The following SRRM4 variants were observed in gnomAD, a reference collection of about 807,000 sequenced individuals.
SRRM4 encodes the protein serine/arginine repetitive matrix protein 4.
In SRRM4, 33 loss-of-function variants were observed where a neutral mutation model predicts 68.9. The ratio of observed to expected loss-of-function variants is 0.48; its 90% CI spans 0.36 to 0.64. The LOEUF is 0.64. SRRM4 is among the 30% of genes least tolerant of loss of function. The probability of loss-of-function intolerance (pLI) is 0.00; values close to 1 mark genes in which losing one functional copy is unlikely to be tolerated. For synonymous variants in SRRM4, 318 were observed against 318.8 expected, an observed-to-expected ratio of 1.00 and a Z score of 0.03; for missense variants, 817 against 827.1, an observed-to-expected ratio of 0.99 and a Z score of 0.15.
chr12:118,993,017 A>G (rs1464568866), intron 1 of SRRM4, among the ~76,000 whole-genome samples: 1 of 152,220 alleles, frequency 6.6e-6, no homozygotes, highest in East Asian at 1.9e-4. Flanking sequence ...AAATAATGAT[A>G]TATCATTACT....
At chr12:118,993,878 C>T (rs1269349896) in intron 1 of SRRM4, 1 of 152,172 alleles carries the variant, frequency 6.6e-6, no homozygotes, top group Non-Finnish European at 1.5e-5. Context: ...TAACACATGC[C>T]TGCAGCCCCA....
At chr12:119,082,425 T>A (rs578248458) in intron 1 of SRRM4, among the ~76,000 whole-genome samples, 1 of 152,324 alleles carries the variant, frequency 6.6e-6, no homozygotes, top group East Asian at 1.9e-4. Flanking sequence ...CTTTGATTGA[T>A]CTTCTCAAAT....
intron 1 of SRRM4, among the ~76,000 whole-genome samples, chr12:118,998,254 T>G (rs1953361144): frequency 1.3e-5 from 1 of 76,188 alleles, no homozygotes; most frequent in Non-Finnish European, 2.4e-5. Flanking sequence ...ACTGAGTGGA[T>G]AAGAGCAATA....
intron 1 of SRRM4, among the ~76,000 whole-genome samples, chr12:119,039,598 C>T (rs759078597): frequency 6.6e-6 from 1 of 152,148 alleles, no homozygotes; most frequent in Admixed American, 6.5e-5. Flanking sequence ...CTGAAAGTTC[C>T]GCATCCCAGG....
chr12:118,986,606 A>G (rs1316968048), intron 1 of SRRM4, among the ~76,000 whole-genome samples: 3 of 152,198 alleles, frequency 2.0e-5, no homozygotes, highest in Middle Eastern at 6.3e-3. Flanking sequence ...AGACGCACAC[A>G]CTGCAAATAG....
intron 1 of SRRM4, chr12:118,990,060 T>A (rs189749594): frequency 6.6e-6 from 1 of 152,352 alleles, no homozygotes; most frequent in African/African-American, 2.4e-5. Context: ...ACACATTTCA[T>A]CTCTTATCCA....
At chr12:119,119,502 C>T (rs1954204214) in intron 4 of SRRM4, among the ~76,000 whole-genome samples, 1 of 151,540 alleles carries the variant, frequency 6.6e-6, no homozygotes, top group Admixed American at 6.6e-5. Context: ...GAAAATGTTA[C>T]AAGGAGAAGA....
intron 1 of SRRM4, chr12:118,992,285 G>GAC (rs1271853093): frequency 6.6e-6 from 1 of 152,336 alleles, no homozygotes; most frequent in East Asian, 1.9e-4. Context: ...CAGGTGAGCA[G>GAC]ACACCAGTTC....
At chr12:119,129,880 GA>G (rs1954283346) in intron 7 of SRRM4, among the ~76,000 whole-genome samples, 1 of 149,012 alleles carries the variant, frequency 6.7e-6, no homozygotes, top group African/African-American at 2.5e-5. Flanking sequence ...CAAATGGATG[GA>G]TGGATGGATG....
chr12:119,030,509 A>AT (rs1850178760), intron 1 of SRRM4, among the ~76,000 whole-genome samples: 1 of 151,510 alleles, frequency 6.6e-6, no homozygotes, highest in Non-Finnish European at 1.5e-5. Flanking sequence ...TACAAAAAAA[A>AT]GTCTGTTGTC....
chr12:119,143,967 A>G (rs1406845163), intron 8 of SRRM4, among the ~76,000 whole-genome samples: 1 of 152,150 alleles, frequency 6.6e-6, no homozygotes, highest in Non-Finnish European at 1.5e-5. Flanking sequence ...GGCAGAGGCC[A>G]GCATCAAACT....
At chr12:119,070,390 G>T (rs183802856) in intron 1 of SRRM4, among the ~76,000 whole-genome samples, 195 of 152,234 alleles carry the variant, frequency 1.3e-3, no homozygotes, top group African/African-American at 4.6e-3. Flanking sequence ...TAGATCCCCG[G>T]ATTTTAGAGT....
intron 1 of SRRM4, among the ~76,000 whole-genome samples, chr12:119,000,424 G>T (rs971081046): frequency 1.3e-5 from 2 of 152,148 alleles, no homozygotes; most frequent in Admixed American, 6.5e-5. Context: ...CACTGGAAAA[G>T]AAAGGACTCA....
At chr12:119,027,699 A>G (rs974603202) in intron 1 of SRRM4, among the ~76,000 whole-genome samples, 12 of 152,168 alleles carry the variant, frequency 7.9e-5, no homozygotes, top group Admixed American at 4.6e-4. Flanking sequence ...AGTATTCTAC[A>G]TGTCTTATTA....
intron 4 of SRRM4, among the ~76,000 whole-genome samples, chr12:119,119,375 G>A (rs994588507): frequency 1.3e-5 from 2 of 151,772 alleles, no homozygotes; most frequent in African/African-American, 4.8e-5. Context: ...ACATTCTAGT[G>A]GGGAAAATCG....
At chr12:118,996,319 T>A (rs1953349323) in intron 1 of SRRM4, among the ~76,000 whole-genome samples, 1 of 152,230 alleles carries the variant, frequency 6.6e-6, no homozygotes, top group Non-Finnish European at 1.5e-5. Flanking sequence ...ATTTAAATAA[T>A]CATGCATATT....
At chr12:118,999,691 G>A (rs1349982881) in intron 1 of SRRM4, among the ~76,000 whole-genome samples, 1 of 152,074 alleles carries the variant, frequency 6.6e-6, no homozygotes, top group Admixed American at 6.5e-5. Flanking sequence ...GTAAGACAGG[G>A]AATATTCTTA....
intron 1 of SRRM4, among the ~76,000 whole-genome samples, chr12:119,099,076 G>A (rs1486978166): frequency 6.6e-6 from 1 of 152,046 alleles, no homozygotes; most frequent in African/African-American, 2.4e-5. Flanking sequence ...CCCATGACCT[G>A]ATCTCTGATC....
At chr12:119,013,486 A>C (rs1035681913) in intron 1 of SRRM4, among the ~76,000 whole-genome samples, 6 of 152,226 alleles carry the variant, frequency 3.9e-5, no homozygotes, top group East Asian at 1.9e-4. Flanking sequence ...AAAAAACCCC[A>C]AAATTTCCTT....
Sources: gnomAD v4.1 joint callset for allele counts (sites outside exome capture counted in the v4.1 genomes callset) on GRCh38, gnomAD v4.1.1 for gene constraint, MANE v1.5 for transcripts, NCBI Gene and HGNC (gene_info 2026-07-23, HGNC 2026-07-21) for gene names.